Variants in GADL1 observed in about 807,000 individuals in gnomAD.
GADL1 encodes GAD like acidic amino acid decarboxylase 1.
Under a neutral mutation model 69.5 loss-of-function variants are expected in GADL1, and 71 were observed. The observed-to-expected ratio is 1.02, with a 90% CI of 0.84 to 1.25. The LOEUF is 1.25. GADL1 is among the 50% of genes most tolerant of loss of function. The pLI is 0.00. For synonymous variants in GADL1, 254 were observed against 214.4 expected, an observed-to-expected ratio of 1.18 and a Z score of -1.62; for missense variants, 737 against 631.8, an observed-to-expected ratio of 1.17 and a Z score of -1.79.
intron 1 of GADL1, among the ~76,000 whole-genome samples, chr3:30,877,313 T>A (rs538942303): frequency 8.6e-5 from 13 of 152,030 alleles, no homozygotes; most frequent in African/African-American, 3.1e-4. Flanking sequence ...AATTAAATGC[T>A]AAGCTGACAT....
intron 9 of GADL1, among the ~76,000 whole-genome samples, chr3:30,835,310 G>A (rs1697856493): frequency 6.6e-6 from 1 of 152,074 alleles, no homozygotes; most frequent in Admixed American, 6.6e-5. Context: ...GGTAAGTTCA[G>A]GGGTTGCTTA....
chr3:30,732,142 T>C (rs1275157012), intron 14 of GADL1, among the ~76,000 whole-genome samples: 1 of 152,204 alleles, frequency 6.6e-6, no homozygotes, highest in African/African-American at 2.4e-5. Context: ...GCTAGGTAAT[T>C]TGGATATTCC....
intron 14 of GADL1, among the ~76,000 whole-genome samples, chr3:30,760,141 G>A (rs967687614): frequency 1.3e-5 from 2 of 152,106 alleles, no homozygotes; most frequent in African/African-American, 4.8e-5. Flanking sequence ...AAGAAAACTT[G>A]GATGTACCAG....
At chr3:30,769,726 A>T (rs759868562) in intron 14 of GADL1, among the ~76,000 whole-genome samples, 2 of 152,196 alleles carry the variant, frequency 1.3e-5, no homozygotes, top group African/African-American at 2.4e-5. Context: ...CACATTTGCC[A>T]CAAGGTCACC....
intron 1 of GADL1, among the ~76,000 whole-genome samples, chr3:30,881,696 A>G (rs1001896943): frequency 1.1e-4 from 16 of 151,770 alleles, no homozygotes; most frequent in Non-Finnish European, 2.4e-4. Flanking sequence ...ATGTCAAAAT[A>G]CAACAAAAAA....
rs567645699 is a variant in GADL1, at chr3:30,814,081, T to G, written c.1051-12993A>C. 1.8e-4 allele frequency among the ~76,000 whole-genome samples: 27 copies of G among 149,308 alleles called. No homozygotes were observed. The East Asian group carries it at 3.3e-3, about 18-fold the overall frequency. ...GCTTACTACTTGATTAACAATGCAC[T>G]GCACACGTTTGAACATTATCTCATT... On this transcript the variant is annotated intron_variant, in intron 11 of 14. Coordinates refer to ENST00000282538, the MANE Select transcript of GADL1 (RefSeq NM_207359.3).
chr3:30,762,974 G>A (rs1224699016), intron 14 of GADL1, among the ~76,000 whole-genome samples: 1 of 152,090 alleles, frequency 6.6e-6, no homozygotes, highest in Non-Finnish European at 1.5e-5. Context: ...TTTATCTGTA[G>A]ATGGACACTT....
chr3:30,766,750 G>A (rs1376850606), intron 14 of GADL1, among the ~76,000 whole-genome samples: 1 of 148,904 alleles, frequency 6.7e-6, no homozygotes, highest in East Asian at 2.0e-4. Context: ...CTAGACTGCA[G>A]GGGACATAAA....
chr3:30,839,505 T>C, intron 8 of GADL1, among the ~76,000 whole-genome samples: 1 of 49,156 alleles, frequency 2.0e-5, no homozygotes. Context: ...GCCATCATTG[T>C]CATCTTCTCA....
intron 1 of GADL1, among the ~76,000 whole-genome samples, chr3:30,891,944 A>G (rs1322557904): frequency 6.6e-6 from 1 of 152,218 alleles, no homozygotes; most frequent in Non-Finnish European, 1.5e-5. Context: ...GGTATATAAA[A>G]GCCAGCATTT....
intron 14 of GADL1, among the ~76,000 whole-genome samples, chr3:30,758,336 G>T (rs1696030078): frequency 6.6e-6 from 1 of 152,126 alleles, no homozygotes. Context: ...TTTTCTCTGG[G>T]CTATTCTTTG....
At chr3:30,890,910 C>A (rs1239823347) in intron 1 of GADL1, among the ~76,000 whole-genome samples, 1 of 152,148 alleles carries the variant, frequency 6.6e-6, no homozygotes, top group Non-Finnish European at 1.5e-5. Flanking sequence ...TCATGATAAT[C>A]CTAAACAGTA....
intron 11 of GADL1, among the ~76,000 whole-genome samples, chr3:30,808,710 G>C (rs1229901005): frequency 6.6e-6 from 1 of 152,118 alleles, no homozygotes. Flanking sequence ...TATGAAGTTA[G>C]CAAGTGGGAA....
rs544646049 is a variant in GADL1, at chr3:30,875,262, A to G, written c.38-13497T>C. Among the ~76,000 whole-genome samples, 6 of 151,954 alleles carry G rather than the reference A, an allele frequency of 3.9e-5. No homozygotes were observed. The South Asian group carries it at 1.0e-3, about 26-fold the overall frequency. On this transcript the variant is annotated intron_variant, in intron 1 of 14. Coordinates refer to ENST00000282538, the MANE Select transcript of GADL1 (RefSeq NM_207359.3). Reference sequence around the variant, plus strand: ...CTTGATGACAGAAGGCAGTTGTCACATCATTGCAAAGTGGTAAGCATACTA... The same window carrying G: ...CTTGATGACAGAAGGCAGTTGTCACGTCATTGCAAAGTGGTAAGCATACTA...
chr3:30,851,442 T>C (rs1467201393), intron 4 of GADL1, among the ~76,000 whole-genome samples: 2 of 152,186 alleles, frequency 1.3e-5, no homozygotes, highest in Admixed American at 1.3e-4. Context: ...TGTGTCTGTA[T>C]AAATGAGGAG....
chr3:30,791,899 C>A (rs1696928829), intron 12 of GADL1, among the ~76,000 whole-genome samples: 1 of 152,186 alleles, frequency 6.6e-6, no homozygotes, highest in Non-Finnish European at 1.5e-5. Flanking sequence ...TGCAGATGCT[C>A]TTACCTGCTG....
intron 14 of GADL1, among the ~76,000 whole-genome samples, chr3:30,762,981 A>G (rs1169133605): frequency 6.6e-6 from 1 of 152,180 alleles, no homozygotes; most frequent in Non-Finnish European, 1.5e-5. Flanking sequence ...GTAGATGGAC[A>G]CTTAGGTTGC....
Position 30,768,497 on chromosome 3 carries a change from G to A in GADL1, c.1392+9682C>T, listed in dbSNP as rs567074848. Among the ~76,000 whole-genome samples the A allele has an allele frequency of 1.8e-4, 26 of 148,526 alleles. 1 individual carries two copies. Among genetic ancestry groups the A allele is most frequent in the African/African-American group, 5.4e-4 (22 of 40,708 alleles). ...AGCCTTGGACATATTTATCAATTGAGGGGGAACAAGATATTAGAGGAAATA... is the reference window on the plus strand; with the variant it reads ...AGCCTTGGACATATTTATCAATTGAAGGGGAACAAGATATTAGAGGAAATA... On this transcript the variant is annotated intron_variant, in intron 14 of 14. Coordinates refer to ENST00000282538, the MANE Select transcript of GADL1 (RefSeq NM_207359.3).
Position 30,845,534 on chromosome 3 carries a change from T to A in GADL1, c.652-1068A>T, listed in dbSNP as rs57246519. Among the ~76,000 whole-genome samples, 1,896 of 152,306 alleles carry A rather than the reference T, an allele frequency of 0.012. 166 individuals carry two copies. The East Asian group carries it at 0.25, about 20-fold the overall frequency. On this transcript the variant is annotated intron_variant, in intron 6 of 14. Transcript: ENST00000282538. The stretch of plus-strand genomic sequence containing the variant: ...TTTCCTTTTGTCAGGAGAGTTTTAT[T>A]GGGAGCTCTTTTTTTAACTCTGTAA...
Sources: allele counts gnomAD v4.1 joint callset (sites outside exome capture counted in the v4.1 genomes callset), GRCh38; gene constraint gnomAD v4.1.1; transcripts MANE v1.5; gene names NCBI Gene and HGNC (gene_info 2026-07-23, HGNC 2026-07-21).